PDE4D: variants seen among roughly 807,000 people sequenced by gnomAD.
PDE4D encodes the protein phosphodiesterase 4D.
A neutral mutation model predicts 87.4 loss-of-function variants in PDE4D; 24 were observed. That is an observed-to-expected ratio of 0.27 (90% CI 0.20 to 0.39). PDE4D has a LOEUF of 0.39. PDE4D is among the 10% of genes least tolerant of loss of function. The probability of loss-of-function intolerance (pLI) is 1.00; values close to 1 mark genes in which losing one functional copy is unlikely to be tolerated. For synonymous variants in PDE4D, 384 were observed against 383.2 expected, an observed-to-expected ratio of 1.00 and a Z score of -0.02; for missense variants, 714 against 1,041.0, an observed-to-expected ratio of 0.69 and a Z score of 4.32.
chr5:60,376,962 G>A (rs889684663), intron 1 of PDE4D, among the ~76,000 whole-genome samples: 4 of 152,110 alleles, frequency 2.6e-5, no homozygotes, highest in Non-Finnish European at 4.4e-5. Flanking sequence ...TAGCAACATC[G>A]TACGTATGCA....
At chr5:60,129,434 G>A (rs1235506310) in intron 2 of PDE4D, among the ~76,000 whole-genome samples, 1 of 152,152 alleles carries the variant, frequency 6.6e-6, no homozygotes, top group African/African-American at 2.4e-5. Flanking sequence ...GAATTTCTCT[G>A]GGTTCTCAAC....
chr5:59,872,318 C>T (rs963796893), intron 1 of PDE4D, among the ~76,000 whole-genome samples: 4 of 151,030 alleles, frequency 2.6e-5, no homozygotes, highest in African/African-American at 7.4e-5. Flanking sequence ...CACAGGCACA[C>T]ACACAGCATA....
At chr5:59,877,706 C>G (rs921195116) in intron 1 of PDE4D, among the ~76,000 whole-genome samples, 3 of 151,786 alleles carry the variant, frequency 2.0e-5, no homozygotes, top group African/African-American at 7.3e-5. Context: ...CTGGTCCTAG[C>G]TACTTGGGAG....
chr5:60,141,177 T>C (rs1562143497), intron 2 of PDE4D, among the ~76,000 whole-genome samples: 1 of 152,104 alleles, frequency 6.6e-6, no homozygotes, highest in Non-Finnish European at 1.5e-5. Context: ...GTGCCCCAAA[T>C]CAAAATTCCT....
intron 1 of PDE4D, among the ~76,000 whole-genome samples, chr5:60,482,872 T>G (rs1344120251): frequency 6.6e-6 from 1 of 152,212 alleles, no homozygotes; most frequent in Non-Finnish European, 1.5e-5. Context: ...CCATTAAATA[T>G]CATGTTTGTA....
At chr5:59,434,316 T>A (rs1440175806) in intron 1 of PDE4D, among the ~76,000 whole-genome samples, 2 of 151,266 alleles carry the variant, frequency 1.3e-5, no homozygotes, top group Non-Finnish European at 3.0e-5. Context: ...AGAAGTCTCA[T>A]CTTTAGGATG....
rs146109493 is a variant in PDE4D at position 60,476,045 on chromosome 5, A to G, written c.-90+11897T>C. On this transcript the variant is annotated intron_variant, in intron 1 of 16. Coordinates refer to the PDE4D transcript ENST00000502484. ...ATCCTGTCAGCATGTTCTAAATCCA[A>G]TCATTCAGATATAACCCTAGAGATT... 8.7e-4 allele frequency among the ~76,000 whole-genome samples: 132 copies of G among 152,204 alleles called. 2 individuals carry two copies. Among genetic ancestry groups the G allele is most frequent in the African/African-American group, 3.1e-3 (127 of 41,540 alleles).
intron 6 of PDE4D, among the ~76,000 whole-genome samples, chr5:59,028,251 CAT>C (rs939841771): frequency 6.6e-6 from 1 of 151,754 alleles, no homozygotes; most frequent in African/African-American, 2.4e-5. Context: ...AGGAATAAAA[CAT>C]ATAAAACACC....
chr5:59,780,620 A>G lies in PDE4D; in HGVS notation c.455+112548T>C, dbSNP rs914125177. Among the ~76,000 whole-genome samples, 10 of 152,232 alleles carry G rather than the reference A, an allele frequency of 6.6e-5. 1 individual carries two copies. Among genetic ancestry groups the G allele is most frequent in the Admixed American group, 6.5e-4 (10 of 15,286 alleles). ...TAGTCCCTCTTTTACACATCAGTGT[A>G]GAATTTGTAATGCCTGGTCAGGACT... On this transcript the variant is annotated intron_variant, in intron 1 of 14. Transcript: ENST00000340635.
chr5:59,872,242 T>A (rs1369817637), intron 1 of PDE4D, among the ~76,000 whole-genome samples: 3 of 149,342 alleles, frequency 2.0e-5, no homozygotes, highest in Non-Finnish European at 4.4e-5. Flanking sequence ...AAACCACTGA[T>A]GGATTCACAA....
intron 1 of PDE4D, among the ~76,000 whole-genome samples, chr5:59,519,909 TACACAC>T (rs34234985): frequency 1.3e-5 from 2 of 151,194 alleles, no homozygotes; most frequent in Non-Finnish European, 3.0e-5. Flanking sequence ...ACCCCCCAAA[TACACAC>T]ACACACACAC....
chr5:60,197,459 T>C, intron 1 of PDE4D, among the ~76,000 whole-genome samples: 1 of 151,648 alleles, frequency 6.6e-6, no homozygotes. Flanking sequence ...AATAATACTC[T>C]TGGTTTAGAT....
intron 1 of PDE4D, among the ~76,000 whole-genome samples, chr5:59,473,988 A>G (rs1240464041): frequency 3.3e-5 from 5 of 152,156 alleles, no homozygotes; most frequent in Non-Finnish European, 1.5e-5. Flanking sequence ...ACAAACCAGA[A>G]TGTACTCTGG....
chr5:59,528,340 A>G (rs1287326844), intron 1 of PDE4D, among the ~76,000 whole-genome samples: 1 of 152,206 alleles, frequency 6.6e-6, no homozygotes. Flanking sequence ...AGAATGGATG[A>G]CAGAATCAGG....
chr5:60,207,634 G>C (rs1742704244), intron 1 of PDE4D, among the ~76,000 whole-genome samples: 2 of 152,162 alleles, frequency 1.3e-5, no homozygotes, highest in African/African-American at 4.8e-5. Context: ...AATTAAAATA[G>C]ATCATATATA....
rs547783334 is a variant in PDE4D at position 59,520,891 on chromosome 5, A to G, written c.456-304923T>C. On this transcript the variant is annotated intron_variant, in intron 1 of 14. Transcript: ENST00000340635. ...CACACACACATATACATATATACAC[A>G]TATATACACATATATACACGTTGTG... Among the ~76,000 whole-genome samples the G allele has an allele frequency of 1.7e-3, 257 of 152,122 alleles. 1 individual carries two copies. The highest frequency in any genetic ancestry group is 5.9e-3 in the African/African-American group (246 of 41,478).
intron 2 of PDE4D, among the ~76,000 whole-genome samples, chr5:59,210,164 T>C (rs1209519676): frequency 1.3e-5 from 2 of 152,252 alleles, no homozygotes; most frequent in East Asian, 1.9e-4. Flanking sequence ...ATTAGTGTAA[T>C]ATTATCTTGC....
At chr5:60,084,244 G>A (rs969759261) in intron 2 of PDE4D, among the ~76,000 whole-genome samples, 2 of 152,158 alleles carry the variant, frequency 1.3e-5, no homozygotes, top group Non-Finnish European at 2.9e-5. Flanking sequence ...TTTCAGTGGG[G>A]TGCCAAAGGG....
chr5:59,661,022 T>C (rs1224003124), intron 1 of PDE4D, among the ~76,000 whole-genome samples: 1 of 150,384 alleles, frequency 6.6e-6, no homozygotes, highest in African/African-American at 2.4e-5. Context: ...GTTTTACTGA[T>C]ATATTTATAA....
Sources: allele counts gnomAD v4.1 joint callset (sites outside exome capture counted in the v4.1 genomes callset), GRCh38; gene constraint gnomAD v4.1.1; transcripts MANE v1.5; gene names NCBI Gene and HGNC (gene_info 2026-07-23, HGNC 2026-07-21).